Variants in EPB41 observed in about 807,000 individuals in gnomAD.
EPB41 encodes erythrocyte membrane protein band 4.1.
Under a neutral mutation model 108.0 loss-of-function variants are expected in EPB41, and 65 were observed. The observed-to-expected ratio is 0.60, with a 90% CI of 0.49 to 0.74. EPB41 has a LOEUF of 0.74. Among genes scored for constraint, EPB41 ranks in the 30% least tolerant of loss-of-function variants. The pLI, the probability that EPB41 is intolerant of heterozygous loss-of-function variation, is 0.00. For missense variants in EPB41, 875 were observed against 1,037.0 expected, an observed-to-expected ratio of 0.84 and a Z score of 2.15; for synonymous variants, 336 against 358.9, an observed-to-expected ratio of 0.94 and a Z score of 0.72.
chr1:28,955,532 ACG>A (rs2149038962), intron 1 of EPB41, among the ~76,000 whole-genome samples: 1 of 152,018 alleles, frequency 6.6e-6, no homozygotes, highest in Admixed American at 6.6e-5. Context: ...TTTAGTAGAG[ACG>A]GAGTTTCACC....
intron 5 of EPB41, among the ~76,000 whole-genome samples, chr1:29,012,767 T>C (rs893429302): frequency 3.3e-5 from 5 of 152,360 alleles, no homozygotes; most frequent in Admixed American, 6.5e-5. Context: ...CTTTAGACCC[T>C]ATTTGTAATT....
At chr1:29,100,006 C>T (rs1407851036) in intron 17 of EPB41, among the ~76,000 whole-genome samples, 1 of 152,128 alleles carries the variant, frequency 6.6e-6, no homozygotes, top group Non-Finnish European at 1.5e-5. Context: ...TCAGGGAATT[C>T]CTCTCTGAGG....
At chr1:29,024,731 T>G (rs2096697623) in intron 7 of EPB41, among the ~76,000 whole-genome samples, 1 of 152,076 alleles carries the variant, frequency 6.6e-6, no homozygotes, top group Non-Finnish European at 1.5e-5. Context: ...TTTGGAGAAC[T>G]AGTTTTAACC....
chr1:28,895,280 C>T (rs190112937), intron 1 of EPB41, among the ~76,000 whole-genome samples: 68 of 152,146 alleles, frequency 4.5e-4, no homozygotes, highest in Admixed American at 3.7e-3. Context: ...CATTTATTGG[C>T]TATTTCTTAT....
rs1359106869 is a variant in EPB41, at chr1:28,985,440, T to C, written c.-7-1991T>C. On this transcript the variant is annotated intron_variant, in intron 1 of 20. Transcript: ENST00000343067. The stretch of plus-strand genomic sequence containing the variant: ...AAGACAATAAACTGGTAAACAAATA[T>C]GTTAACAAAATAATTACAGATAATA... Among the ~76,000 whole-genome samples the C allele has an allele frequency of 2.0e-5, 3 of 152,122 alleles. No individual in the cohort carries two copies. The East Asian group carries it at 5.8e-4, about 29-fold the overall frequency.
intron 4 of EPB41, 106 bp from the exon 5 acceptor site, chr1:29,011,759 G>T: frequency 8.3e-7 from 1 of 1,204,176 alleles, no homozygotes; most frequent in Non-Finnish European, 1.2e-6. Context: ...GGAAATGCAG[G>T]TTGATCTGGA....
chr1:29,108,210 G>A (rs1172872776), intron 17 of EPB41, among the ~76,000 whole-genome samples: 1 of 144,652 alleles, frequency 6.9e-6, no homozygotes, highest in Non-Finnish European at 1.5e-5. Context: ...GTGCAATGTC[G>A]CAATCTCAGC....
At chr1:29,037,736 C>T (rs1256305372) in intron 10 of EPB41, among the ~76,000 whole-genome samples, 1 of 151,302 alleles carries the variant, frequency 6.6e-6, no homozygotes, top group East Asian at 2.0e-4. Flanking sequence ...CGGGTTTCAC[C>T]ATATTGACCA....
intron 16 of EPB41, among the ~76,000 whole-genome samples, chr1:29,077,470 A>G (rs562336044): frequency 3.3e-5 from 5 of 152,140 alleles, no homozygotes; most frequent in Non-Finnish European, 5.9e-5. Context: ...AGAACATATT[A>G]CTAAGAATAG....
At chr1:28,913,775 A>T (rs531017691), upstream of EPB41, among the ~76,000 whole-genome samples, 19 of 152,256 alleles carry the variant, frequency 1.2e-4, no homozygotes, top group African/African-American at 4.3e-4. Flanking sequence ...CCTAGCAGGG[A>T]GTAGGAAGGG....
rs140803129 is a variant in EPB41, at chr1:28,999,770, T to C, written c.786+2451T>C. Among the ~76,000 whole-genome samples, 571 of 152,234 alleles carry C rather than the reference T, an allele frequency of 3.8e-3. 6 individuals are homozygous for C. The highest frequency in any genetic ancestry group is 0.013 in the African/African-American group (532 of 41,546). On this transcript the variant is annotated intron_variant, in intron 4 of 20. Coordinates refer to ENST00000343067, the MANE Select transcript of EPB41 (RefSeq NM_001376013.1). Reference sequence around the variant, plus strand: ...ATATTCTGTCCTGTCACCAAGTTTATTTTCTTTATAGTGGTTTTCACTTTT... The same window carrying C: ...ATATTCTGTCCTGTCACCAAGTTTACTTTCTTTATAGTGGTTTTCACTTTT...
intron 17 of EPB41, among the ~76,000 whole-genome samples, chr1:29,109,103 C>T (rs1002899183): frequency 1.3e-5 from 2 of 151,336 alleles, no homozygotes; most frequent in African/African-American, 2.4e-5. Context: ...GAGGCTGAGG[C>T]AGGAGAATTG....
intron 7 of EPB41, among the ~76,000 whole-genome samples, chr1:29,025,271 A>G (rs2096705149): frequency 6.6e-6 from 1 of 152,048 alleles, no homozygotes. Flanking sequence ...AAACATTATT[A>G]AAAGGGAGTC....
chr1:29,119,726 A>G lies in EPB41; in HGVS notation c.*2914A>G, dbSNP rs935321617. The G allele has an allele frequency of 3.3e-5, 5 of 152,656 alleles. No homozygotes were observed. The highest frequency in any genetic ancestry group is 9.6e-5 in the African/African-American group (4 of 41,452). 9.5% of individuals were successfully genotyped at this position (152,656 alleles called of 1,614,324 possible). On this transcript the variant is annotated 3_prime_UTR_variant, in exon 21 of 21. Coordinates refer to ENST00000343067, the MANE Select transcript of EPB41 (RefSeq NM_001376013.1). ...CTGACGCCTTTTGATGCTCACGGGA[A>G]ATTTCTGCCCAGGATCTCAGCCCCA... is the stretch of plus-strand genomic sequence containing the variant.
chr1:28,950,730 A>C (rs890697781), intron 1 of EPB41, among the ~76,000 whole-genome samples: 5 of 152,262 alleles, frequency 3.3e-5, no homozygotes, highest in Admixed American at 3.3e-4. Flanking sequence ...CATATAATTA[A>C]GAGCAGATTG....
chr1:29,068,680 ATTG>A (rs772644568), intron 16 of EPB41: 27 of 1,101,414 alleles, frequency 2.5e-5, no homozygotes, highest in Non-Finnish European at 2.9e-5. Flanking sequence ...CTTTGACGGT[ATTG>A]TTGTTGCATT....
chr1:29,061,581 T>TG (rs1473654460), intron 15 of EPB41, among the ~76,000 whole-genome samples: 3 of 135,750 alleles, frequency 2.2e-5, no homozygotes, highest in South Asian at 2.6e-4. Flanking sequence ...TGTTTTTTTT[T>TG]TTTTTTTTTT....
intron 1 of EPB41, among the ~76,000 whole-genome samples, chr1:28,975,122 G>T (rs2095573597): frequency 6.6e-6 from 1 of 151,880 alleles, no homozygotes; most frequent in South Asian, 2.1e-4. Flanking sequence ...AGTAGAGATG[G>T]GGTTTTACCA....
chr1:29,114,671 C>T (rs1388172877), intron 19 of EPB41, among the ~76,000 whole-genome samples: 1 of 147,956 alleles, frequency 6.8e-6, no homozygotes, highest in Non-Finnish European at 1.5e-5. Context: ...GTCCCTGTTT[C>T]ACTACCTACT....
Sources: allele counts gnomAD v4.1 joint callset (sites outside exome capture counted in the v4.1 genomes callset), GRCh38; gene constraint gnomAD v4.1.1; transcripts MANE v1.5; gene names NCBI Gene and HGNC (gene_info 2026-07-23, HGNC 2026-07-21).